UBAP2L: variants seen among roughly 807,000 people sequenced by gnomAD.
UBAP2L encodes ubiquitin associated protein 2 like.
Under a neutral mutation model 130.6 loss-of-function variants are expected in UBAP2L, and 12 were observed. The observed-to-expected ratio is 0.09, with a 90% CI of 0.06 to 0.15. The LOEUF is 0.15. UBAP2L is among the 10% of genes least tolerant of loss of function. The pLI is 1.00. For missense variants in UBAP2L, 965 were observed against 1,332.5 expected (o/e 0.72, Z 4.29); for synonymous variants, 503 against 524.7 (o/e 0.96, Z 0.57).
At position 154,270,526 on chromosome 1, in the gene UBAP2L, C is replaced by T; in HGVS notation, c.*231C>T. 1 of 1,438,292 alleles carries T rather than the reference C, an allele frequency of 7.0e-7. No homozygotes were observed. The highest frequency in any genetic ancestry group is 9.1e-7 in the Non-Finnish European group (1 of 1,099,908). 89.1% of individuals were successfully genotyped at this position (1,438,292 alleles called of 1,614,324 possible). On this transcript the variant is annotated 3_prime_UTR_variant, in exon 27 of 27. Coordinates refer to ENST00000428931, the MANE Select transcript of UBAP2L (RefSeq NM_014847.4). Reference sequence around the variant, plus strand: ...CTTTTTTTTCCCCCTTCCATTCCTTCTCCCCTCTTGCATTCAAGATTATGA... The same window carrying T: ...CTTTTTTTTCCCCCTTCCATTCCTTTTCCCCTCTTGCATTCAAGATTATGA...
intron 10 of UBAP2L, among the ~76,000 whole-genome samples, chr1:154,244,448 T>C (rs1674664380): frequency 6.6e-6 from 1 of 152,204 alleles, no homozygotes; most frequent in Non-Finnish European, 1.5e-5. Flanking sequence ...TGATCTTGGC[T>C]CACTGCAACC....
At chr1:154,222,503 G>C (rs1458213446) in intron 1 of UBAP2L, among the ~76,000 whole-genome samples, 2 of 152,108 alleles carry the variant, frequency 1.3e-5, no homozygotes, top group Non-Finnish European at 2.9e-5. Context: ...GTGATGAAAG[G>C]CCTAAAAATG....
intron 8 of UBAP2L, among the ~76,000 whole-genome samples, chr1:154,239,487 A>G (rs551963405): frequency 1.6e-4 from 24 of 151,910 alleles, no homozygotes; most frequent in Admixed American, 3.3e-4. Flanking sequence ...TCATTTAATG[A>G]ATATTTGACA....
Position 154,235,210 on chromosome 1 carries a change from A to G in UBAP2L, c.463A>G (p.Asn155Asp). Residue 155 changes from asparagine (N) to aspartate (D), a missense_variant, in exon 6 of 27, where the codon AAT becomes GAT. Transcript: ENST00000428931. ...TTTTATTTCAGTTCGAGGTCAGGAA[A>G]ATGGATTGGATGGCACCAAGAGTGG... ...SRGREFRGQE[N>D]GLDGTKSGGP... The G allele has an allele frequency of 2.6e-6, 2 of 771,108 alleles. No individual in the cohort carries two copies. The highest frequency in any genetic ancestry group is 2.8e-5 in the South Asian group (2 of 72,152). 47.8% of individuals were successfully genotyped at this position (771,108 alleles called of 1,614,324 possible). A position where few individuals can be genotyped will look rare whatever the true frequency, so the allele number is the denominator to read the frequency against.
intron 11 of UBAP2L, among the ~76,000 whole-genome samples, chr1:154,248,249 G>C (rs1426927053): frequency 6.6e-6 from 1 of 152,116 alleles, no homozygotes; most frequent in Non-Finnish European, 1.5e-5. Flanking sequence ...TTACAGGCGT[G>C]AGCCACCGCA....
chr1:154,261,899 AT>A (rs1681671586), intron 24 of UBAP2L, among the ~76,000 whole-genome samples: 1 of 152,128 alleles, frequency 6.6e-6, no homozygotes, highest in African/African-American at 2.4e-5. Context: ...TGTGTCCACT[AT>A]TTGTGACGGG....
intron 2 of UBAP2L, 84 bp from the exon 3 acceptor site, chr1:154,227,198 G>T: frequency 8.8e-7 from 1 of 1,142,382 alleles, no homozygotes; most frequent in Non-Finnish European, 1.3e-6. Context: ...GAAAATTGGG[G>T]CAGTGGAGGC....
chr1:154,226,981 C>T (rs1380977465), intron 2 of UBAP2L, among the ~76,000 whole-genome samples: 8 of 152,300 alleles, frequency 5.3e-5, no homozygotes, highest in African/African-American at 1.9e-4. Flanking sequence ...CACCACCACA[C>T]CCGGCTAATT....
At position 154,266,305 on chromosome 1, in the gene UBAP2L, G is replaced by T. The variant is rs896391712; in HGVS notation, c.2903-196G>T. ...TCTCACGTATACTCAACACGTACCT[G>T]GGAAGGGCCAAAGAACCCTTAGGGA... On this transcript the variant is annotated intron_variant, in intron 24 of 26. Transcript: ENST00000428931. 3 of 655,578 alleles carry T rather than the reference G, an allele frequency of 4.6e-6. No homozygotes were observed. In the East Asian group the frequency reaches 7.7e-5, roughly 17 times the overall value. The allele number at this position is 655,578 out of a possible 1,614,324, so 40.6% of individuals were successfully genotyped here.
chr1:154,227,195 G>T (rs1056082388), intron 2 of UBAP2L, 87 bp from the exon 3 acceptor site: 13 of 1,092,458 alleles, frequency 1.2e-5, no homozygotes, highest in Non-Finnish European at 1.8e-5. Flanking sequence ...AAAGAAAATT[G>T]GGGCAGTGGA....
intron 25 of UBAP2L, among the ~76,000 whole-genome samples, chr1:154,267,291 G>A (rs1300411036): frequency 6.6e-6 from 1 of 151,260 alleles, no homozygotes; most frequent in Non-Finnish European, 1.5e-5. Context: ...GAGTAGCTGG[G>A]ATTACAGGTG....
At position 154,255,321 on chromosome 1, in the gene UBAP2L, C is replaced by T; in HGVS notation, c.2079C>T (p.His693=). 6.2e-7 allele frequency: 1 copy of T among 1,613,718 alleles called. No homozygotes were observed. Among genetic ancestry groups the T allele is most frequent in the East Asian group, 2.2e-5 (1 of 44,882 alleles). The change falls in exon 17 of 27, where the codon CAC becomes CAT. Residue 693 remains histidine, a synonymous_variant. Transcript: ENST00000428931. ...TTCCAAATACTACCACCACACAACA[C>T]AGCAGGTGATTTGGGGTGAGGATGG... ...EEIPNTTTTQ[H]SSTLSTQQNT...
intron 24 of UBAP2L, among the ~76,000 whole-genome samples, chr1:154,263,980 T>C (rs1040942496): frequency 1.3e-5 from 2 of 152,210 alleles, no homozygotes; most frequent in Non-Finnish European, 2.9e-5. Context: ...CTGTGGCGAC[T>C]GTGCTATCCT....
intron 11 of UBAP2L, among the ~76,000 whole-genome samples, chr1:154,248,210 G>C (rs1325369460): frequency 6.6e-6 from 1 of 151,958 alleles, no homozygotes; most frequent in Non-Finnish European, 1.5e-5. Flanking sequence ...AAGGTGAGCT[G>C]CCCGCCTCAG....
chr1:154,266,857 C>G (rs1326962757), intron 25 of UBAP2L, among the ~76,000 whole-genome samples: 1 of 139,862 alleles, frequency 7.1e-6, no homozygotes, highest in Non-Finnish European at 1.6e-5. Context: ...TTCCTACCTA[C>G]TCCCAACCTT....
intron 8 of UBAP2L, among the ~76,000 whole-genome samples, chr1:154,240,757 A>C (rs1016655156): frequency 2.6e-5 from 4 of 151,630 alleles, no homozygotes; most frequent in Non-Finnish European, 5.9e-5. Context: ...GTGTTTCTCT[A>C]TCAGTGCTAC....
intron 16 of UBAP2L, 64 bp downstream of exon 16, chr1:154,254,954 T>G: frequency 6.5e-7 from 1 of 1,547,686 alleles, no homozygotes; most frequent in Admixed American, 2.1e-5. Flanking sequence ...ATGGTGATAA[T>G]CCATTAGTTC....
chr1:154,269,109 G>A (rs1684162701), intron 26 of UBAP2L, 155 bp downstream of exon 26: 2 of 1,005,192 alleles, frequency 2.0e-6, no homozygotes, highest in South Asian at 1.7e-5. Flanking sequence ...AGACACAAGC[G>A]CACATAACAC....
In UBAP2L at chr1:154,270,529, C is replaced by T. The variant is rs544160245; in HGVS notation, c.*234C>T. On this transcript the variant is annotated 3_prime_UTR_variant, in exon 27 of 27. Coordinates refer to ENST00000428931, the MANE Select transcript of UBAP2L (RefSeq NM_014847.4). Reference sequence around the variant, plus strand: ...TTTTTTCCCCCTTCCATTCCTTCTCCCCTCTTGCATTCAAGATTATGAAAC... The same window carrying T: ...TTTTTTCCCCCTTCCATTCCTTCTCTCCTCTTGCATTCAAGATTATGAAAC... 12 of 1,441,320 alleles carry T rather than the reference C, an allele frequency of 8.3e-6. No individual in the cohort carries two copies. The South Asian group carries it at 1.5e-4, about 18-fold the overall frequency. The allele number at this position is 1,441,320 out of a possible 1,614,324, so 89.3% of individuals were successfully genotyped here.
Sources: allele counts gnomAD v4.1 joint callset (sites outside exome capture counted in the v4.1 genomes callset), GRCh38; gene constraint gnomAD v4.1.1; transcripts MANE v1.5; gene names NCBI Gene and HGNC (gene_info 2026-07-23, HGNC 2026-07-21).